STPG2: variants seen among roughly 807,000 people sequenced by gnomAD.
The protein encoded by STPG2 is sperm tail PG-rich repeat containing 2.
A neutral mutation model predicts 54.2 loss-of-function variants in STPG2; 56 were observed. The ratio of observed to expected loss-of-function variants is 1.03; its 90% CI spans 0.83 to 1.29. STPG2 has a LOEUF of 1.29. STPG2 is among the 50% of genes most tolerant of loss of function. The pLI is 0.00. For missense variants in STPG2, 596 were observed against 544.9 expected, an observed-to-expected ratio of 1.09 and a Z score of -0.93; for synonymous variants, 200 against 181.8, an observed-to-expected ratio of 1.10 and a Z score of -0.81.
intron 10 of STPG2, among the ~76,000 whole-genome samples, chr4:97,618,676 A>G (rs1195111012): frequency 1.3e-5 from 2 of 152,184 alleles, no homozygotes; most frequent in Admixed American, 6.5e-5. Context: ...TTCTCAATAT[A>G]ATGCTGTTTT....
chr4:97,954,012 G>T (rs569519488), intron 7 of STPG2, among the ~76,000 whole-genome samples: 3 of 152,178 alleles, frequency 2.0e-5, no homozygotes, highest in South Asian at 4.1e-4. Context: ...CATATATATG[G>T]TACTAGAAAT....
intron 9 of STPG2, among the ~76,000 whole-genome samples, chr4:97,745,255 C>CA (rs56187258): frequency 3.8e-4 from 30 of 79,676 alleles, no homozygotes; most frequent in Non-Finnish European, 6.5e-4. Flanking sequence ...AAAAAAAAAA[C>CA]AAAAAAACAA....
intron 2 of STPG2, among the ~76,000 whole-genome samples, chr4:98,132,539 T>G (rs1350887434): frequency 6.6e-6 from 1 of 152,014 alleles, no homozygotes; most frequent in Admixed American, 6.5e-5. Flanking sequence ...TCCTGGATTA[T>G]CTGAAATAAA....
At chr4:97,817,237 G>GTA (rs1727946243) in intron 9 of STPG2, among the ~76,000 whole-genome samples, 1 of 149,558 alleles carries the variant, frequency 6.7e-6, no homozygotes, top group Non-Finnish European at 1.5e-5. Context: ...CAATTAGTGT[G>GTA]TATATATATG....
At chr4:97,904,928 C>A (rs1163152141) in intron 8 of STPG2, among the ~76,000 whole-genome samples, 1 of 152,086 alleles carries the variant, frequency 6.6e-6, no homozygotes, top group Non-Finnish European at 1.5e-5. Context: ...AAGAAACGAG[C>A]AAAGCCTCCA....
intron 10 of STPG2, among the ~76,000 whole-genome samples, chr4:97,638,191 A>T (rs532169254): frequency 6.6e-6 from 1 of 152,298 alleles, no homozygotes; most frequent in Non-Finnish European, 1.5e-5. Flanking sequence ...ATAACACTGC[A>T]TATCTACAAC....
At chr4:97,873,053 C>T (rs1730047688) in intron 8 of STPG2, among the ~76,000 whole-genome samples, 1 of 151,234 alleles carries the variant, frequency 6.6e-6, no homozygotes, top group Non-Finnish European at 1.5e-5. Flanking sequence ...GCACACAGAG[C>T]TAGGAAAAAA....
At chr4:97,853,413 A>G (rs1729232539) in intron 8 of STPG2, among the ~76,000 whole-genome samples, 2 of 152,204 alleles carry the variant, frequency 1.3e-5, no homozygotes, top group Non-Finnish European at 2.9e-5. Flanking sequence ...GTATCCCAGA[A>G]CTGAAAGTAA....
At chr4:97,855,119 A>G (rs947869453) in intron 8 of STPG2, among the ~76,000 whole-genome samples, 8 of 152,160 alleles carry the variant, frequency 5.3e-5, no homozygotes, top group South Asian at 2.1e-4. Context: ...TCCATGGTGT[A>G]TATGTACCAC....
chr4:97,633,123 T>C (rs1039762802), intron 10 of STPG2, among the ~76,000 whole-genome samples: 6 of 152,130 alleles, frequency 3.9e-5, no homozygotes, highest in African/African-American at 1.4e-4. Flanking sequence ...ACATCAGTTG[T>C]TTTAGTTTCT....
intron 4 of STPG2, among the ~76,000 whole-genome samples, chr4:97,548,107 G>A (rs147219909): frequency 0.016 from 2,444 of 152,142 alleles, 51 homozygotes; most frequent in African/African-American, 0.056. Flanking sequence ...CCAAGATCAC[G>A]CCATTGCACT....
At chr4:97,738,396 C>G (rs1408528911) in intron 9 of STPG2, among the ~76,000 whole-genome samples, 1 of 152,040 alleles carries the variant, frequency 6.6e-6, no homozygotes, top group East Asian at 1.9e-4. Context: ...TAAATGCTCC[C>G]ATTAAAAGAC....
At chr4:97,850,613 A>T (rs1389928766) in intron 8 of STPG2, among the ~76,000 whole-genome samples, 3 of 151,962 alleles carry the variant, frequency 2.0e-5, no homozygotes, top group African/African-American at 7.2e-5. Flanking sequence ...TTTATTTTCT[A>T]CTTCTTGCAA....
At chr4:97,700,372 G>A (rs888005603) in intron 10 of STPG2, among the ~76,000 whole-genome samples, 3 of 152,180 alleles carry the variant, frequency 2.0e-5, no homozygotes, top group Non-Finnish European at 4.4e-5. Context: ...ACACCCAAAT[G>A]AGGAATGTGT....
intron 10 of STPG2, among the ~76,000 whole-genome samples, chr4:97,696,768 G>A (rs1315043678): frequency 6.6e-6 from 1 of 152,094 alleles, no homozygotes; most frequent in Non-Finnish European, 1.5e-5. Flanking sequence ...ATAGCCAACA[G>A]ACATTAAATA....
intron 5 of STPG2, among the ~76,000 whole-genome samples, chr4:98,065,327 A>G (rs188942153): frequency 5.8e-4 from 89 of 152,318 alleles, no homozygotes; most frequent in Admixed American, 2.2e-3. Flanking sequence ...TAATTTAAAT[A>G]TTTCTTAAAA....
At chr4:97,903,839 G>A (rs1731277893) in intron 8 of STPG2, among the ~76,000 whole-genome samples, 1 of 152,224 alleles carries the variant, frequency 6.6e-6, no homozygotes. Flanking sequence ...AGGGGTGACA[G>A]ATGGCACCTG....
At chr4:97,963,858 A>C (rs927903689) in intron 7 of STPG2, among the ~76,000 whole-genome samples, 1 of 152,104 alleles carries the variant, frequency 6.6e-6, no homozygotes, top group African/African-American at 2.4e-5. Context: ...ATCTAAAAAA[A>C]TTAATTTAGA....
intron 10 of STPG2, among the ~76,000 whole-genome samples, chr4:97,605,743 T>C (rs1192476458): frequency 6.6e-6 from 1 of 151,332 alleles, no homozygotes; most frequent in Non-Finnish European, 1.5e-5. Context: ...AGAGTTTCAA[T>C]ACCTATCAGA....
Sources: gnomAD v4.1 joint callset for allele counts (sites outside exome capture counted in the v4.1 genomes callset) on GRCh38, gnomAD v4.1.1 for gene constraint, MANE v1.5 for transcripts, NCBI Gene and HGNC (gene_info 2026-07-23, HGNC 2026-07-21) for gene names.